The following LDB2 variants were observed in gnomAD, a reference collection of about 807,000 sequenced individuals.
LDB2 encodes LIM domain-binding protein 2.
In LDB2, 12 loss-of-function variants were observed where a neutral mutation model predicts 44.3. The ratio of observed to expected loss-of-function variants is 0.27; its 90% CI spans 0.17 to 0.44. LDB2 has a LOEUF of 0.44. LDB2 is among the 20% of genes least tolerant of loss of function. LDB2 has a pLI of 1.00. For synonymous variants in LDB2, 164 were observed against 174.8 expected, an observed-to-expected ratio of 0.94 and a Z score of 0.49; for missense variants, 344 against 473.5, an observed-to-expected ratio of 0.73 and a Z score of 2.54.
At chr4:16,730,156 CT>C (rs1760433598) in intron 2 of LDB2, among the ~76,000 whole-genome samples, 1 of 152,104 alleles carries the variant, frequency 6.6e-6, no homozygotes, top group Non-Finnish European at 1.5e-5. Flanking sequence ...CTTCTTAGCC[CT>C]TTTGTCTTAG....
intron 1 of LDB2, among the ~76,000 whole-genome samples, chr4:16,883,107 CCAGCCAGTT>C (rs1427215564): frequency 2.0e-5 from 3 of 152,206 alleles, no homozygotes; most frequent in Non-Finnish European, 1.5e-5. Flanking sequence ...ATGGTCCTCT[CCAGCCAGTT>C]TGTGCCGAAA....
At chr4:16,528,783 A>G (rs1215957896) in intron 5 of LDB2, among the ~76,000 whole-genome samples, 1 of 152,182 alleles carries the variant, frequency 6.6e-6, no homozygotes, top group Non-Finnish European at 1.5e-5. Context: ...ATCGTAAGGG[A>G]CGTGGGCGAA....
At chr4:16,505,276 A>G (rs1718901552) in intron 7 of LDB2, among the ~76,000 whole-genome samples, 1 of 152,100 alleles carries the variant, frequency 6.6e-6, no homozygotes, top group African/African-American at 2.4e-5. Flanking sequence ...CTAAATTTCA[A>G]AGGGATGCCA....
At chr4:16,852,399 C>T (rs955975594) in intron 1 of LDB2, among the ~76,000 whole-genome samples, 1 of 152,132 alleles carries the variant, frequency 6.6e-6, no homozygotes, top group African/African-American at 2.4e-5. Context: ...TACACATCTG[C>T]AATGCAATGA....
intron 5 of LDB2, among the ~76,000 whole-genome samples, chr4:16,569,627 A>G (rs1003132498): frequency 6.6e-6 from 1 of 152,170 alleles, no homozygotes; most frequent in African/African-American, 2.4e-5. Flanking sequence ...ATCCTATACC[A>G]GTAGGCAGAT....
chr4:16,832,579 AC>A (rs768980023), intron 1 of LDB2, among the ~76,000 whole-genome samples: 5 of 152,076 alleles, frequency 3.3e-5, no homozygotes, highest in Non-Finnish European at 5.9e-5. Context: ...ATTGACACTA[AC>A]TCTACTTCGA....
chr4:16,855,755 AT>A (rs112619119), intron 1 of LDB2, among the ~76,000 whole-genome samples: 1 of 152,090 alleles, frequency 6.6e-6, no homozygotes, highest in Admixed American at 6.6e-5. Flanking sequence ...AATGAGTGTG[AT>A]TTTTTTATTG....
chr4:16,563,409 AC>A (rs1185182465), intron 5 of LDB2, among the ~76,000 whole-genome samples: 3 of 145,226 alleles, frequency 2.1e-5, no homozygotes, highest in Admixed American at 7.0e-5. Context: ...AACATTCAAA[AC>A]CATCTCATCA....
At chr4:16,542,949 A>ATGGG (rs1353656415) in intron 5 of LDB2, among the ~76,000 whole-genome samples, 3 of 102,448 alleles carry the variant, frequency 2.9e-5, no homozygotes, top group African/African-American at 1.2e-4. Context: ...CATAGGCCCC[A>ATGGG]GTATGTGATG....
chr4:16,628,679 C>T (rs1348759787), intron 2 of LDB2, among the ~76,000 whole-genome samples: 3 of 151,980 alleles, frequency 2.0e-5, no homozygotes, highest in East Asian at 1.9e-4. Flanking sequence ...CAGCTCCCAG[C>T]GAGATAGACG....
intron 1 of LDB2, among the ~76,000 whole-genome samples, chr4:16,867,996 C>T (rs1040441261): frequency 7.2e-5 from 11 of 152,182 alleles, no homozygotes; most frequent in African/African-American, 2.7e-4. Context: ...CCAGACCTCT[C>T]AAATTACCAA....
intron 2 of LDB2, among the ~76,000 whole-genome samples, chr4:16,751,708 A>G (rs1765525237): frequency 6.6e-6 from 1 of 152,222 alleles, no homozygotes; most frequent in African/African-American, 2.4e-5. Flanking sequence ...TTTGTGATGA[A>G]CTGTCTTTCT....
intron 1 of LDB2, among the ~76,000 whole-genome samples, chr4:16,810,111 G>C (rs1303393153): frequency 2.0e-5 from 3 of 152,152 alleles, no homozygotes; most frequent in Non-Finnish European, 4.4e-5. Flanking sequence ...CAGGTAATCA[G>C]CTCTAGGCAG....
At chr4:16,739,615 TATAC>T (rs1762626521) in intron 2 of LDB2, among the ~76,000 whole-genome samples, 2 of 86,352 alleles carry the variant, frequency 2.3e-5, no homozygotes, top group African/African-American at 4.7e-5. Flanking sequence ...TATATGTATA[TATAC>T]ATGTGTGTGT....
At chr4:16,524,009 T>C (rs1727275586) in intron 5 of LDB2, among the ~76,000 whole-genome samples, 1 of 152,116 alleles carries the variant, frequency 6.6e-6, no homozygotes, top group South Asian at 2.1e-4. Context: ...ATCCTGTGAG[T>C]TTATTTTATT....
At chr4:16,858,368 T>C (rs934195092) in intron 1 of LDB2, among the ~76,000 whole-genome samples, 2 of 152,204 alleles carry the variant, frequency 1.3e-5, no homozygotes, top group Admixed American at 6.5e-5. Context: ...AAGGAGGGCT[T>C]CATGCATGAT....
intron 1 of LDB2, among the ~76,000 whole-genome samples, chr4:16,824,037 T>C (rs1286463240): frequency 6.6e-6 from 1 of 152,234 alleles, no homozygotes; most frequent in Non-Finnish European, 1.5e-5. Flanking sequence ...AGTGATACTA[T>C]ACTCAAATTC....
intron 1 of LDB2, chr4:16,889,269 A>T (rs1722642606): frequency 1.3e-5 from 2 of 152,240 alleles, no homozygotes; most frequent in South Asian, 4.1e-4. Context: ...CAGGAAATGT[A>T]ACATATTATC....
chr4:16,596,276 C>T (rs1157260320), intron 2 of LDB2, among the ~76,000 whole-genome samples: 7 of 151,548 alleles, frequency 4.6e-5, no homozygotes, highest in Non-Finnish European at 1.0e-4. Flanking sequence ...GGCCAGTTAC[C>T]CAGTCATGTT....
Sources: gnomAD v4.1 joint callset for allele counts (sites outside exome capture counted in the v4.1 genomes callset) on GRCh38, gnomAD v4.1.1 for gene constraint, MANE v1.5 for transcripts, NCBI Gene and HGNC (gene_info 2026-07-23, HGNC 2026-07-21) for gene names.